Variants in SEPTIN9 observed in about 807,000 individuals in gnomAD.
The protein encoded by SEPTIN9 is septin 9, also known as septin-9.
Under a neutral mutation model 56.6 loss-of-function variants are expected in SEPTIN9, and 13 were observed. That is an observed-to-expected ratio of 0.23 (90% CI 0.15 to 0.37). The LOEUF (loss-of-function observed/expected upper bound fraction) is 0.37, where lower values mean the gene tolerates loss of function less well. Among genes scored for constraint, SEPTIN9 ranks in the 10% least tolerant of loss-of-function variants. SEPTIN9 has a pLI of 1.00. For missense variants in SEPTIN9, 650 were observed against 823.1 expected, an observed-to-expected ratio of 0.79 and a Z score of 2.57; for synonymous variants, 332 against 334.1, an observed-to-expected ratio of 0.99 and a Z score of 0.07.
In SEPTIN9 at chr17:77,327,365, G is replaced by A. The variant is rs1157331122; in HGVS notation, c.76+20168G>A. On this transcript the variant is annotated intron_variant, in intron 2 of 11. Coordinates refer to ENST00000427177, the MANE Select transcript of SEPTIN9 (RefSeq NM_001113491.2). This position sits in a 1 kb window ranked among gnomAD's most constrained non-coding sequence, Gnocchi z 5.0. ...CCGAACGGCCAGAGCTTCTGAAGCC[G>A]CTCGCTGTGTGCCCCCGCCTGGCCC... 6.6e-6 allele frequency among the ~76,000 whole-genome samples: 1 copy of A among 152,168 alleles called. No individual in the cohort carries two copies. The highest frequency in any genetic ancestry group is 2.4e-5 in the African/African-American group (1 of 41,438).
intron 3 of SEPTIN9, among the ~76,000 whole-genome samples, chr17:77,418,499 T>C (rs2036580184): frequency 6.6e-6 from 1 of 152,120 alleles, no homozygotes; most frequent in African/African-American, 2.4e-5. Context: ...CGTGTCACCA[T>C]GGCAGGCTAG....
intron 1 of SEPTIN9, among the ~76,000 whole-genome samples, chr17:77,289,391 C>T (rs2031430123): frequency 6.6e-6 from 1 of 150,774 alleles, no homozygotes; most frequent in Admixed American, 6.6e-5. Flanking sequence ...GCTACCGCGC[C>T]CAGCTTGCAT....
At chr17:77,403,940 C>T (rs968060867) in intron 3 of SEPTIN9, among the ~76,000 whole-genome samples, 7 of 152,150 alleles carry the variant, frequency 4.6e-5, no homozygotes, top group African/African-American at 1.7e-4. Flanking sequence ...CCATGCCCCT[C>T]CCCCAGCTGC....
chr17:77,494,936 C>T (rs536500695), intron 10 of SEPTIN9, among the ~76,000 whole-genome samples: 17 of 152,368 alleles, frequency 1.1e-4, no homozygotes, highest in African/African-American at 3.8e-4. Context: ...TTCCAGTATC[C>T]GCCTGTGGTG....
rs1432869267 is a variant in SEPTIN9, at chr17:77,436,695, G to C, written c.721+33992G>C. On this transcript the variant is annotated intron_variant, in intron 3 of 11. Transcript: ENST00000427177. This position sits in a 1 kb window ranked among gnomAD's most constrained non-coding sequence, Gnocchi z 4.4. ...TTGCTGCACTAGCCTCGTGGTAGGG[G>C]CTGCGGCGGAGGTGGGCAAAAGCCG... Among the ~76,000 whole-genome samples the C allele has an allele frequency of 1.3e-5, 2 of 152,252 alleles. No homozygotes were observed. The highest frequency in any genetic ancestry group is 3.9e-4 in the East Asian group (2 of 5,190).
At position 77,433,601 on chromosome 17, in the gene SEPTIN9, GC is replaced by G. The variant is rs1033380701; in HGVS notation, c.721+30899del. Among the ~76,000 whole-genome samples the G allele has an allele frequency of 6.6e-6, 1 of 151,940 alleles. No individual in the cohort carries two copies. The highest frequency in any genetic ancestry group is 2.4e-5 in the African/African-American group (1 of 41,370). On this transcript the variant is annotated intron_variant, in intron 3 of 11. Transcript: ENST00000427177. This position sits in a 1 kb window ranked among gnomAD's most constrained non-coding sequence, Gnocchi z 6.4. ...ATCGTCCCCCTCACTGTCCTGGCTT[GC>G]TTTCAATAGGCCAGAGGGGTGGGGC...
chr17:77,452,003 T>TGCCGTAACCGAAGCATTACG (rs2037993648), intron 3 of SEPTIN9, among the ~76,000 whole-genome samples: 1 of 152,178 alleles, frequency 6.6e-6, no homozygotes, highest in Non-Finnish European at 1.5e-5. Context: ...ATAGTCTCAA[T>TGCCGTAACCGAAGCATTACG]GCTCGAAATG....
rs546047527 is a variant in SEPTIN9, at chr17:77,429,091, C to T, written c.721+26388C>T. Reference sequence around the variant, plus strand: ...GTACCTGTTCTTGGCTATTTGTGCCCCAGCTCCGTGTCCTCCGGTGTGTGT... The same window carrying T: ...GTACCTGTTCTTGGCTATTTGTGCCTCAGCTCCGTGTCCTCCGGTGTGTGT... On this transcript the variant is annotated intron_variant, in intron 3 of 11. Transcript: ENST00000427177. This position sits in a 1 kb window ranked among gnomAD's most constrained non-coding sequence, Gnocchi z 5.2. The T allele has an allele frequency of 4.2e-6, 2 of 471,532 alleles. No individual in the cohort carries two copies. Among genetic ancestry groups the T allele is most frequent in the African/African-American group, 2.0e-5 (1 of 50,070 alleles). 29.2% of individuals were successfully genotyped at this position (471,532 alleles called of 1,614,324 possible).
At chr17:77,461,886 G>A (rs312852) in intron 3 of SEPTIN9, among the ~76,000 whole-genome samples, 11,102 of 152,200 alleles carry the variant, frequency 0.073, 1,338 homozygotes, top group African/African-American at 0.25. Flanking sequence ...AGCCAATGGC[G>A]TCGTTCCAGT....
chr17:77,328,024 G>A (rs2033210858), intron 2 of SEPTIN9, among the ~76,000 whole-genome samples: 1 of 147,316 alleles, frequency 6.8e-6, no homozygotes, highest in Non-Finnish European at 1.5e-5. Context: ...GTGTGTCCCT[G>A]TATCCAGGGC....
At chr17:77,438,085 G>A (rs1030441556) in intron 3 of SEPTIN9, among the ~76,000 whole-genome samples, 2 of 152,238 alleles carry the variant, frequency 1.3e-5, no homozygotes, top group Non-Finnish European at 2.9e-5. Flanking sequence ...GGCCCTGCAG[G>A]GGGGTGCTCC....
chr17:77,348,294 GTTTTTTTTTT>G (rs367934946), intron 2 of SEPTIN9, among the ~76,000 whole-genome samples: 2 of 89,754 alleles, frequency 2.2e-5, no homozygotes, highest in African/African-American at 4.5e-5. Context: ...TTTAATTTAT[GTTTTTTTTTT>G]TTTTTTTTTT....
chr17:77,490,139 G>C (rs2039961486), intron 7 of SEPTIN9, among the ~76,000 whole-genome samples: 1 of 152,228 alleles, frequency 6.6e-6, no homozygotes, highest in Non-Finnish European at 1.5e-5. Flanking sequence ...CCCGGAGCGG[G>C]CTTCTCCCCA....
intron 2 of SEPTIN9, among the ~76,000 whole-genome samples, chr17:77,393,347 G>A (rs2035605359): frequency 6.6e-6 from 1 of 152,140 alleles, no homozygotes; most frequent in Non-Finnish European, 1.5e-5. Context: ...ACTCCTTCCA[G>A]CCTTCCGAGG....
At chr17:77,314,109 C>T in intron 2 of SEPTIN9, among the ~76,000 whole-genome samples, 1 of 151,710 alleles carries the variant, frequency 6.6e-6, no homozygotes, top group East Asian at 1.9e-4. Flanking sequence ...GCTGAGGCTG[C>T]AGTGAGTTGT....
chr17:77,492,646 G>A lies in SEPTIN9; in HGVS notation c.1406G>A (p.Gly469Asp), dbSNP rs752437682. ...QRITADLLSN[G>D]IDVYPQKEFD... The stretch of plus-strand genomic sequence containing the variant: ...ATCACCGCAGACCTGCTGTCCAACG[G>A]CATCGACGTGTACCCCCAGAAGGAA... Residue 469 changes from glycine to aspartate, a missense_variant, in exon 9 of 12, where the codon GGC becomes GAC. Coordinates refer to ENST00000427177, the MANE Select transcript of SEPTIN9 (RefSeq NM_001113491.2). The surrounding 1 kb of genome is among the most constrained non-coding windows in gnomAD (Gnocchi z 5.4). 4.3e-6 allele frequency: 7 copies of A among 1,614,116 alleles called. No homozygotes were observed. In the East Asian group the frequency reaches 8.9e-5, roughly 21 times the overall value.
chr17:77,489,723 C>T (rs1015167742), intron 7 of SEPTIN9, among the ~76,000 whole-genome samples: 3 of 152,192 alleles, frequency 2.0e-5, no homozygotes, highest in Admixed American at 2.0e-4. Context: ...GCGGGCCTCA[C>T]CCAGAGTCTG....
chr17:77,488,885 C>T lies in SEPTIN9; in HGVS notation c.1262+21C>T, dbSNP rs376747163. 763 of 1,612,050 alleles carry T rather than the reference C, an allele frequency of 4.7e-4. 8 individuals are homozygous for T. In the South Asian group the frequency reaches 7.9e-3, roughly 17 times the overall value. ...CACTCGTACGTCCCTGCAGTGTCGG[C>T]GTCCTCATGCCGGGTGCCCTGGGTT... On this transcript the variant is annotated intron_variant, in intron 7 of 11. Coordinates refer to ENST00000427177, the MANE Select transcript of SEPTIN9 (RefSeq NM_001113491.2).
chr17:77,290,850 C>A (rs1302265474), intron 1 of SEPTIN9, among the ~76,000 whole-genome samples: 2 of 124,140 alleles, frequency 1.6e-5, no homozygotes, highest in African/African-American at 6.3e-5. Flanking sequence ...TAAATAAATT[C>A]TTATACCCAC....
Sources: gnomAD v4.1 joint callset for allele counts (sites outside exome capture counted in the v4.1 genomes callset) on GRCh38, gnomAD v4.1.1 for gene constraint, Gnocchi (gnomAD v3.1) non-coding constraint, MANE v1.5 for transcripts, NCBI Gene and HGNC (gene_info 2026-07-23, HGNC 2026-07-21) for gene names.